The following C5orf63 variants were observed in gnomAD, a reference collection of about 807,000 sequenced individuals.
The protein encoded by C5orf63 is glutaredoxin-like protein C5orf63.
Under a neutral mutation model 13.3 loss-of-function variants are expected in C5orf63, and 18 were observed. That is an observed-to-expected ratio of 1.36 (90% CI 0.94 to 2.01). C5orf63 has a LOEUF of 2.01. Among genes scored for constraint, C5orf63 ranks in the 30% most tolerant of loss-of-function variants. The pLI is 0.00. For synonymous variants in C5orf63, 38 were observed against 44.7 expected, an observed-to-expected ratio of 0.85 and a Z score of 0.60; for missense variants, 118 against 127.7, an observed-to-expected ratio of 0.92 and a Z score of 0.36.
At chr5:127,055,896 G>C (rs1010227483) in intron 3 of C5orf63, among the ~76,000 whole-genome samples, 1 of 152,054 alleles carries the variant, frequency 6.6e-6, no homozygotes, top group Non-Finnish European at 1.5e-5. Context: ...GAAAATATGT[G>C]TATATATTTT....
At chr5:127,055,747 G>T (rs1417311637) in intron 3 of C5orf63, among the ~76,000 whole-genome samples, 1 of 152,058 alleles carries the variant, frequency 6.6e-6, no homozygotes, top group Non-Finnish European at 1.5e-5. Flanking sequence ...AAAACCAAGA[G>T]CATGCTAAAT....
At chr5:127,059,581 A>G (rs1233050984) in intron 2 of C5orf63, among the ~76,000 whole-genome samples, 2 of 151,930 alleles carry the variant, frequency 1.3e-5, no homozygotes, top group East Asian at 3.9e-4. Context: ...ACAAAAAATT[A>G]GCTGGGTGTG....
At chr5:127,060,299 T>C (rs1223755657) in intron 2 of C5orf63, among the ~76,000 whole-genome samples, 1 of 152,172 alleles carries the variant, frequency 6.6e-6, no homozygotes, top group East Asian at 1.9e-4. Flanking sequence ...CATACACAAA[T>C]GTACTTGTGT....
chr5:127,047,846 G>A, downstream of C5orf63: 1 of 703,814 alleles, frequency 1.4e-6, no homozygotes, highest in Non-Finnish European at 2.6e-6. Context: ...GAAGCCATGT[G>A]GGGGTGGGAA....
At chr5:127,057,766 T>A (rs1378465156) in intron 3 of C5orf63, among the ~76,000 whole-genome samples, 1 of 152,210 alleles carries the variant, frequency 6.6e-6, no homozygotes, top group African/African-American at 2.4e-5. Context: ...ATACTGTAAA[T>A]GTAAGCTAGT....
intron 1 of C5orf63, among the ~76,000 whole-genome samples, chr5:127,072,533 T>C (rs1754586883): frequency 6.6e-6 from 1 of 152,202 alleles, no homozygotes; most frequent in Non-Finnish European, 1.5e-5. Context: ...TGTATACTAA[T>C]TCTGGGAAAT....
downstream of C5orf63, chr5:127,043,349 C>G (rs913671489): frequency 6.6e-6 from 1 of 152,178 alleles, no homozygotes; most frequent in African/African-American, 2.4e-5. Flanking sequence ...GGTGTCAACT[C>G]AGTGACATCC....
chr5:127,051,341 T>C lies in C5orf63; in HGVS notation c.*430A>G. On this transcript the variant is annotated 3_prime_UTR_variant, in exon 5 of 5. Coordinates refer to ENST00000296662, the MANE Select transcript of C5orf63 (RefSeq NM_001164478.2). ...CATCGCTTTATTGACCGTGCACAGT[T>C]ATTAACAATTCACATTTCACTTTAT... 1 of 1,231,712 alleles carries C rather than the reference T, an allele frequency of 8.1e-7. No homozygotes were observed. Among genetic ancestry groups the C allele is most frequent in the African/African-American group, 1.5e-5 (1 of 64,520 alleles). 76.3% of individuals were successfully genotyped at this position (1,231,712 alleles called of 1,614,324 possible).
chr5:127,043,452 T>C (rs1216659202), downstream of C5orf63: 1 of 152,198 alleles, frequency 6.6e-6, no homozygotes, highest in Non-Finnish European at 1.5e-5. Context: ...AGCAGGATCA[T>C]TGCCAAATTC....
At chr5:127,052,718 T>G in intron 3 of C5orf63, 49 bp from the exon 4 acceptor site, 2 of 1,408,458 alleles carry the variant, frequency 1.4e-6, no homozygotes, top group East Asian at 2.6e-5. Context: ...GAATGGCATT[T>G]GCCCTTACAA....
At chr5:127,068,588 C>T (rs1479108906) in intron 2 of C5orf63, among the ~76,000 whole-genome samples, 5 of 152,208 alleles carry the variant, frequency 3.3e-5, no homozygotes, top group African/African-American at 1.2e-4. Context: ...AGATCCTCTT[C>T]ATCCTGGCAT....
chr5:127,049,896 T>C (rs966080494), downstream of C5orf63, among the ~76,000 whole-genome samples: 3 of 152,200 alleles, frequency 2.0e-5, no homozygotes, highest in African/African-American at 4.8e-5. Flanking sequence ...CAGAATTCAT[T>C]TCCTTGAAGC....
At chr5:127,052,005 G>T (rs185821942) in intron 4 of C5orf63, 58 bp from the exon 5 acceptor site, 3 of 1,290,762 alleles carry the variant, frequency 2.3e-6, no homozygotes, top group African/African-American at 3.0e-5. Context: ...TGTAACAACT[G>T]CAGTGATAAA....
chr5:127,047,654 T>G (rs1461500039), downstream of C5orf63: 1 of 698,998 alleles, frequency 1.4e-6, no homozygotes, highest in African/African-American at 1.8e-5. Context: ...TCCTATATAT[T>G]TGGTGGATGA....
downstream of C5orf63, among the ~76,000 whole-genome samples, chr5:127,049,174 G>A (rs1344656817): frequency 6.6e-6 from 1 of 152,130 alleles, no homozygotes; most frequent in Non-Finnish European, 1.5e-5. Flanking sequence ...GAGTCAGAAG[G>A]ACTGACTATG....
intron 2 of C5orf63, among the ~76,000 whole-genome samples, chr5:127,070,543 TTAGTAAAG>T (rs1754498196): frequency 6.6e-6 from 1 of 152,202 alleles, no homozygotes; most frequent in South Asian, 2.1e-4. Context: ...TGAAATGTTG[TTAGTAAAG>T]TAGAAAAGAC....
intron 3 of C5orf63, among the ~76,000 whole-genome samples, chr5:127,055,451 C>T (rs1753846179): frequency 6.6e-6 from 1 of 152,132 alleles, no homozygotes; most frequent in African/African-American, 2.4e-5. Flanking sequence ...CCCCAAATTA[C>T]TTATGCTTAT....
downstream of C5orf63, among the ~76,000 whole-genome samples, chr5:127,049,055 T>C (rs1023805068): frequency 1.1e-4 from 16 of 152,120 alleles, no homozygotes; most frequent in Non-Finnish European, 2.2e-4. Context: ...GAGAGTGGGA[T>C]TGTCCTACAG....
intron 1 of C5orf63, 70 bp downstream of exon 1, chr5:127,073,381 A>T (rs1474501209): frequency 6.6e-6 from 1 of 152,314 alleles, no homozygotes; most frequent in Non-Finnish European, 1.5e-5. Flanking sequence ...AACCCCCGCC[A>T]GCCTGCGCGT....
Sources: gnomAD v4.1 joint callset for allele counts (sites outside exome capture counted in the v4.1 genomes callset) on GRCh38, gnomAD v4.1.1 for gene constraint, MANE v1.5 for transcripts, NCBI Gene and HGNC (gene_info 2026-07-23, HGNC 2026-07-21) for gene names.